The following KDELR2 variants were observed in gnomAD, a reference collection of about 807,000 sequenced individuals.
KDELR2 encodes the protein ER lumen protein-retaining receptor 2.
A neutral mutation model predicts 23.9 loss-of-function variants in KDELR2; 15 were observed. That is an observed-to-expected ratio of 0.63 (90% confidence interval 0.42 to 0.97). The LOEUF (loss-of-function observed/expected upper bound fraction) is 0.97, where lower values mean the gene tolerates loss of function less well. Among genes scored for constraint, KDELR2 ranks in the 50% least tolerant of loss-of-function variants. KDELR2 has a pLI of 0.00. For synonymous variants in KDELR2, 119 were observed against 106.2 expected, an observed-to-expected ratio of 1.12 and a Z score of -0.74; for missense variants, 272 against 254.6, an observed-to-expected ratio of 1.07 and a Z score of -0.46.
At chr7:6,483,696 G>A (rs977240449) in intron 1 of KDELR2, among the ~76,000 whole-genome samples, 3 of 152,350 alleles carry the variant, frequency 2.0e-5, no homozygotes. Flanking sequence ...AGACACAGCA[G>A]GGCCCCGCGC....
Position 6,483,994 on chromosome 7 carries a change from T to C in KDELR2, c.64A>G (p.Lys22Glu). The C allele has an allele frequency of 6.5e-7, 1 of 1,531,576 alleles. No individual in the cohort carries two copies. The highest frequency in any genetic ancestry group is 8.8e-7 in the Non-Finnish European group (1 of 1,137,134). The allele number at this position is 1,531,576 out of a possible 1,614,324, so 94.9% of individuals were successfully genotyped here. A position where few individuals can be genotyped will look rare whatever the true frequency, so the allele number is the denominator to read the frequency against. Residue 22 changes from lysine (K) to glutamate (E), a missense_variant, in exon 1 of 5, where the codon AAG (lysine) becomes GAG (glutamate). Lys to Glu is a moderately conservative substitution (Grantham distance 56, BLOSUM62 1). Coordinates refer to ENST00000258739, the MANE Select transcript of KDELR2 (RefSeq NM_006854.4). ...HLAAIVILLL[K>E]IWKTRSCAGI... ...GCGCAGGAGCGCGTCTTCCAGATCT[T>C]CAGCAGCAGGATGACGATGGCCGCC... is the stretch of plus-strand genomic sequence containing the variant.
intron 1 of KDELR2, among the ~76,000 whole-genome samples, chr7:6,482,194 G>T (rs1583322612): frequency 6.6e-6 from 1 of 152,012 alleles, no homozygotes; most frequent in Non-Finnish European, 1.5e-5. Context: ...TAGAGACGGG[G>T]TTTCTCCATG....
At position 6,466,199 on chromosome 7, in the gene KDELR2, C is replaced by T; in HGVS notation, c.476G>A (p.Arg159His). The T allele has an allele frequency of 2.5e-6, 4 of 1,614,124 alleles. No individual in the cohort carries two copies. The highest frequency in any genetic ancestry group is 2.2e-5 in the South Asian group (2 of 91,080). Residue 159 changes from arginine (R) to histidine (H), a missense_variant, in exon 4 of 5, where the codon CGT (arginine) becomes CAT (histidine). Coordinates refer to ENST00000258739, the MANE Select transcript of KDELR2 (RefSeq NM_006854.4). ...THYLFFLGLYRALYLVNWIWR... is the reference protein window; with the variant it reads ...THYLFFLGLYHALYLVNWIWR... ...GATCCAGTTGACAAGATACAAAGCA[C>T]GATAGAGGCCCAGGAAGAACAGGTA...
intron 3 of KDELR2, among the ~76,000 whole-genome samples, chr7:6,467,589 G>A (rs769794203): frequency 3.9e-5 from 6 of 151,936 alleles, no homozygotes; most frequent in East Asian, 1.9e-4. Context: ...GGTGAAACCC[G>A]GTCTCTACTA....
intron 2 of KDELR2, among the ~76,000 whole-genome samples, chr7:6,471,764 G>A (rs890464751): frequency 6.6e-6 from 1 of 152,158 alleles, no homozygotes; most frequent in African/African-American, 2.4e-5. Context: ...AAGGACAGGT[G>A]GTTTCTAATT....
At chr7:6,483,693 G>A (rs1180527767) in intron 1 of KDELR2, among the ~76,000 whole-genome samples, 1 of 152,220 alleles carries the variant, frequency 6.6e-6, no homozygotes, top group East Asian at 1.9e-4. Context: ...TTCAGACACA[G>A]CAGGGCCCCG....
intron 1 of KDELR2, among the ~76,000 whole-genome samples, chr7:6,483,351 TC>T (rs1785949109): frequency 8.6e-6 from 1 of 115,818 alleles, no homozygotes; most frequent in African/African-American, 2.7e-5. Flanking sequence ...AGCGGTGTGA[TC>T]CTGGACCCAA....
chr7:6,481,487 AGAG>A (rs1013639324), intron 1 of KDELR2, among the ~76,000 whole-genome samples: 9 of 152,140 alleles, frequency 5.9e-5, no homozygotes, highest in African/African-American at 2.2e-4. Context: ...ATGATTTGCC[AGAG>A]GAGGGGATTC....
At chr7:6,464,253 G>A (rs1785452537) in intron 4 of KDELR2, among the ~76,000 whole-genome samples, 2 of 131,134 alleles carry the variant, frequency 1.5e-5, no homozygotes, top group Non-Finnish European at 3.1e-5. Context: ...AGGCGTGGTG[G>A]CTCACGCCTG....
chr7:6,462,731 G>T lies in KDELR2; in HGVS notation c.*410C>A, dbSNP rs964492014. 1.3e-5 allele frequency: 5 copies of T among 389,648 alleles called. No individual in the cohort carries two copies. The highest frequency in any genetic ancestry group is 1.4e-5 in the Non-Finnish European group (3 of 220,474). The allele number at this position is 389,648 out of a possible 1,614,324, so 24.1% of individuals were successfully genotyped here. ...TGGAATGCAAGTTTGAGGGATGGAAGAATATATAATCTATCAACTGTCAAG... is the reference window on the plus strand; with the variant it reads ...TGGAATGCAAGTTTGAGGGATGGAATAATATATAATCTATCAACTGTCAAG... On this transcript the variant is annotated 3_prime_UTR_variant, in exon 5 of 5. Transcript: ENST00000258739.
chr7:6,482,613 G>GT (rs761277934), intron 1 of KDELR2: 38 of 468,440 alleles, frequency 8.1e-5, no homozygotes, highest in East Asian at 4.2e-4. Context: ...ATTCAGAGAT[G>GT]TAAGTGTGAC....
intron 3 of KDELR2, among the ~76,000 whole-genome samples, chr7:6,467,274 GT>G (rs556734277): frequency 1.4e-4 from 22 of 152,146 alleles, no homozygotes; most frequent in Non-Finnish European, 2.8e-4. Context: ...CCTCACTGCT[GT>G]TTTTCCTCAC....
At chr7:6,468,459 G>T (rs2115324927) in intron 3 of KDELR2, among the ~76,000 whole-genome samples, 1 of 152,084 alleles carries the variant, frequency 6.6e-6, no homozygotes, top group East Asian at 1.9e-4. Flanking sequence ...CTCCTGAGTA[G>T]CTGGGATTAC....
chr7:6,478,766 C>T (rs779087859), intron 1 of KDELR2, among the ~76,000 whole-genome samples: 29 of 152,062 alleles, frequency 1.9e-4, no homozygotes, highest in Admixed American at 4.6e-4. Context: ...CTATGTCCAT[C>T]AGCAAAGTTT....
chr7:6,480,195 C>A (rs1351343587), intron 1 of KDELR2, among the ~76,000 whole-genome samples: 1 of 152,192 alleles, frequency 6.6e-6, no homozygotes, highest in Non-Finnish European at 1.5e-5. Flanking sequence ...CTACTGATAA[C>A]TAGCTACAGT....
intron 1 of KDELR2, among the ~76,000 whole-genome samples, chr7:6,483,336 T>G (rs955881518): frequency 6.8e-5 from 10 of 147,228 alleles, no homozygotes; most frequent in Non-Finnish European, 1.4e-4. Context: ...GGCAAGCCCC[T>G]CCCCAGCGGT....
At chr7:6,469,993 CT>C in intron 2 of KDELR2, 1 of 352,276 alleles carries the variant, frequency 2.8e-6, no homozygotes, top group Non-Finnish European at 5.1e-6. Flanking sequence ...TTCTGCCATG[CT>C]GCCGCTTCGC....
rs1343452342 is a variant in KDELR2, at chr7:6,462,179, T to G, written c.*962A>C. On this transcript the variant is annotated 3_prime_UTR_variant, in exon 5 of 5. Coordinates refer to ENST00000258739, the MANE Select transcript of KDELR2 (RefSeq NM_006854.4). ...GAATGTAAGGAATGGTTAGTGGTGCTGCCAATTAAAAAAAAAACTGTAATT... is the reference window on the plus strand; with the variant it reads ...GAATGTAAGGAATGGTTAGTGGTGCGGCCAATTAAAAAAAAAACTGTAATT... The G allele has an allele frequency of 9.5e-6, 1 of 105,432 alleles. No individual in the cohort carries two copies. Among genetic ancestry groups the G allele is most frequent in the Non-Finnish European group, 2.0e-5 (1 of 49,516 alleles). The allele number at this position is 105,432 out of a possible 1,614,324, so 6.5% of individuals were successfully genotyped here. A position where few individuals can be genotyped will look rare whatever the true frequency, so the allele number is the denominator to read the frequency against.
intron 2 of KDELR2, among the ~76,000 whole-genome samples, chr7:6,471,175 GGT>G (rs1785628642): frequency 1.7e-4 from 20 of 117,126 alleles, no homozygotes; most frequent in South Asian, 5.6e-4. Context: ...CATTTGTTTC[GGT>G]TTTTTTTTTT....
Sources: gnomAD v4.1 joint callset for allele counts (sites outside exome capture counted in the v4.1 genomes callset) on GRCh38, gnomAD v4.1.1 for gene constraint, MANE v1.5 for transcripts, NCBI Gene and HGNC (gene_info 2026-07-23, HGNC 2026-07-21) for gene names.